Variants in FDXACB1 observed in about 807,000 individuals in gnomAD.
FDXACB1 encodes the protein ferredoxin-fold anticodon-binding domain-containing protein 1.
Under a neutral mutation model 51.7 loss-of-function variants are expected in FDXACB1, and 41 were observed. That is an observed-to-expected ratio of 0.79 (90% CI 0.62 to 1.03). The LOEUF (loss-of-function observed/expected upper bound fraction) is 1.03. Ranked by LOEUF, FDXACB1 falls within the 50% of genes least tolerant of loss-of-function variation. The probability of loss-of-function intolerance (pLI) is 0.00; values close to 1 mark genes in which losing one functional copy is unlikely to be tolerated. For synonymous variants in FDXACB1, 273 were observed against 278.6 expected, an observed-to-expected ratio of 0.98 and a Z score of 0.20; for missense variants, 697 against 746.4, an observed-to-expected ratio of 0.93 and a Z score of 0.77.
Position 111,875,920 on chromosome 11 carries a change from G to T in FDXACB1, c.877C>A (p.Leu293Ile). The change falls in exon 5 of 5, where the codon CTC becomes ATC. Residue 293 changes from leucine (L) to isoleucine (I), a missense_variant. By Grantham distance (5) the Leu-to-Ile change is conservative. Around this residue, in one of 3 missense-constraint regions of FDXACB1, gnomAD observed 538 missense variants for 592.2 expected, o/e 0.91. Coordinates refer to ENST00000260257, the MANE Select transcript of FDXACB1 (RefSeq NM_138378.3). ...DFLSAAFWIS[L>I]HEDNSNSESL... Reference sequence around the variant, plus strand: ...TCAGAATTTGAGTTATCTTCATGGAGACTAATCCAAAAAGCAGCTGACAGA... The same window carrying T: ...TCAGAATTTGAGTTATCTTCATGGATACTAATCCAAAAAGCAGCTGACAGA... 6.2e-7 allele frequency: 1 copy of T among 1,613,898 alleles called. No individual in the cohort carries two copies. The highest frequency in any genetic ancestry group is 1.6e-4 in the Middle Eastern group (1 of 6,062).
rs1055336868 is a variant in FDXACB1 at position 111,875,166 on chromosome 11, A to C, written c.1631T>G (p.Ile544Arg). The C allele has an allele frequency of 6.2e-7, 1 of 1,613,832 alleles. No homozygotes were observed. Among genetic ancestry groups the C allele is most frequent in the Admixed American group, 1.7e-5 (1 of 60,022 alleles). Residue 544 changes from isoleucine (I) to arginine (R), a missense_variant, in exon 5 of 5, where the codon ATA (isoleucine) becomes AGA (arginine). Ile to Arg is a moderately conservative substitution (Grantham distance 97, BLOSUM62 -3). This residue lies in a region of FDXACB1 where 538 missense variants were observed against 592.2 expected (regional missense o/e 0.91). Coordinates refer to ENST00000260257, the MANE Select transcript of FDXACB1 (RefSeq NM_138378.3). ...PCYVHDVSFWIDQKKGFDELE... is the reference protein window; with the variant it reads ...PCYVHDVSFWRDQKKGFDELE... ...TTCATCAAATCCTTTCTTCTGATCT[A>C]TCCAAAAACTAACATCATGCACATA...
chr11:111,877,873 G>A (rs1211518723), intron 2 of FDXACB1, among the ~76,000 whole-genome samples: 1 of 150,434 alleles, frequency 6.6e-6, no homozygotes, highest in Non-Finnish European at 1.5e-5. Flanking sequence ...AGCATGTAAA[G>A]ATTAAGTAAG....
At position 111,879,106 on chromosome 11, in the gene FDXACB1, A is replaced by T. The variant is rs375209624; in HGVS notation, c.27T>A (p.Val9=). 7.0e-5 allele frequency: 113 copies of T among 1,612,086 alleles called. No homozygotes were observed. Among genetic ancestry groups the T allele is most frequent in the Non-Finnish European group, 9.4e-5 (111 of 1,179,066 alleles). Residue 9 remains valine, a synonymous_variant, in exon 1 of 5, where the codon GTT becomes GTA. Transcript: ENST00000260257. MAPRRLLL[V]GEGNFSFAAA... is the part of the protein sequence containing the mutation. ...CGGCGAAGGAGAAATTCCCCTCCCC[A>T]ACCAACAGGAGGCGCCGAGGGGCCA...
At position 111,877,023 on chromosome 11, in the gene FDXACB1, A is replaced by G; in HGVS notation, c.330-12T>C. 2.6e-6 allele frequency: 4 copies of G among 1,561,624 alleles called. No homozygotes were observed. Among genetic ancestry groups the G allele is most frequent in the Non-Finnish European group, 2.6e-6 (3 of 1,151,830 alleles). ...GAACGTCTGCACAGCTAATAGGGAG[A>G]AAAGAAACACTAACTAATTATCATA... On this transcript the variant is annotated splice_polypyrimidine_tract_variant and intron_variant, in intron 2 of 4. Transcript: ENST00000260257.
Position 111,876,631 on chromosome 11 carries a change from T to C in FDXACB1, c.542A>G (p.Asp181Gly), listed in dbSNP as rs1342645109. 4 of 1,611,458 alleles carry C rather than the reference T, an allele frequency of 2.5e-6. No individual in the cohort carries two copies. The highest frequency in any genetic ancestry group is 1.7e-5 in the Admixed American group (1 of 59,196). The change falls in exon 4 of 5, where the codon GAT (aspartate) becomes GGT (glycine). Residue 181 changes from aspartate to glycine, a missense_variant. Physicochemically the swap from Asp to Gly is moderately conservative, Grantham distance 94 (BLOSUM62 -1). This residue lies in a region of FDXACB1 where 538 missense variants were observed against 592.2 expected (regional missense o/e 0.91). Transcript: ENST00000260257. ...GYKCTGYRSQ[D>G]KSFHVEGALN... is the part of the protein sequence containing the mutation. Reference sequence around the variant, plus strand: ...AGCACCTTCTACATGAAAGGACTTATCTTGACTCCTGGCAAAATAGACACC... The same window carrying C: ...AGCACCTTCTACATGAAAGGACTTACCTTGACTCCTGGCAAAATAGACACC...
rs1964801466 is a variant in FDXACB1, at chr11:111,875,804, AC to A, written c.992del (p.Gly331ValfsTer22). On this transcript the variant is annotated frameshift_variant, in exon 5 of 5. Coordinates refer to ENST00000260257, the MANE Select transcript of FDXACB1 (RefSeq NM_138378.3). LOFTEE classifies it high-confidence loss of function. ...LSLLKNPGRD[G>X]KEEACEGTCG... ...AGGTTCCTTCACAAGCTTCTTCTTT[AC>A]CATCTCTTCCAGGATTCTTGAGAAG... is the stretch of plus-strand genomic sequence containing the variant. 1 of 1,613,588 alleles carries A rather than the reference AC, an allele frequency of 6.2e-7. No individual in the cohort carries two copies. The highest frequency in any genetic ancestry group is 1.1e-5 in the South Asian group (1 of 91,076).
In FDXACB1 at chr11:111,876,059, A is replaced by G. The variant is rs782167123; in HGVS notation, c.738T>C (p.Asn246=). ...TGCCTAATTCAGCAATGAGTTTCTC[A>G]TTTATGGTTTTGATAGGATGACATG... ...APSCHPIKTI[N]EKLIAELGKV... is the part of the protein sequence containing the mutation. The change falls in exon 5 of 5, where the codon AAT becomes AAC. Residue 246 remains asparagine, a synonymous_variant. Coordinates refer to ENST00000260257, the MANE Select transcript of FDXACB1 (RefSeq NM_138378.3). 2 of 1,613,698 alleles carry G rather than the reference A, an allele frequency of 1.2e-6. No individual in the cohort carries two copies. The highest frequency in any genetic ancestry group is 1.7e-6 in the Non-Finnish European group (2 of 1,179,808).
Position 111,875,554 on chromosome 11 carries a change from G to T in FDXACB1, c.1243C>A (p.Leu415Met), listed in dbSNP as rs781947206. 2.5e-6 allele frequency: 4 copies of T among 1,611,454 alleles called. No individual in the cohort carries two copies. In the South Asian group the frequency reaches 4.4e-5, roughly 18 times the overall value. ...AGCAGGCTATCTAGAATGCCCTTCA[G>T]ATGATCCAGCAGTGATTGAAGACAG... is the stretch of plus-strand genomic sequence containing the variant. ...DGCLQSLLDH[L>M]KGILDSLLTQ... Residue 415 changes from leucine to methionine, a missense_variant, in exon 5 of 5, where the codon CTG becomes ATG. Leu to Met is a conservative substitution (Grantham distance 15). Coordinates refer to ENST00000260257, the MANE Select transcript of FDXACB1 (RefSeq NM_138378.3).
rs782061518 is a variant in FDXACB1, at chr11:111,875,756, A to G, written c.1041T>C (p.Leu347=). The G allele has an allele frequency of 3.0e-5, 49 of 1,613,556 alleles. No homozygotes were observed. The highest frequency in any genetic ancestry group is 4.2e-5 in the Non-Finnish European group (49 of 1,179,884). ...GAACATGCACTAGGAGAGAAGGTCTAAGGCAGATCTTGGCCTGGCCACAGG... is the reference window on the plus strand; with the variant it reads ...GAACATGCACTAGGAGAGAAGGTCTGAGGCAGATCTTGGCCTGGCCACAGG... The part of the protein sequence containing the change: ...EGTCGQAKIC[L]RPSLLVHVQD... The change falls in exon 5 of 5, where the codon CTT becomes CTC. Residue 347 remains leucine (L), a synonymous_variant. Coordinates refer to ENST00000260257, the MANE Select transcript of FDXACB1 (RefSeq NM_138378.3).
In FDXACB1 at chr11:111,878,984, T is replaced by G; in HGVS notation, c.149A>C (p.Asn50Thr). 6.2e-7 allele frequency: 1 copy of G among 1,608,492 alleles called. No individual in the cohort carries two copies. The highest frequency in any genetic ancestry group is 8.5e-7 in the Non-Finnish European group (1 of 1,177,970). The change falls in exon 1 of 5, where the codon AAT becomes ACT. Residue 50 changes from asparagine (N) to threonine (T), a missense_variant. Coordinates refer to ENST00000260257, the MANE Select transcript of FDXACB1 (RefSeq NM_138378.3). ...ACCTCGCTCGCGCAGGCACTGCAGA[T>G]TCTCCCAGGCCAGTGGATCCCGAGC... ...ELARDPLAWE[N>T]LQCLRERGID...
rs534644379 is a variant in FDXACB1, at chr11:111,875,857, A to G, written c.940T>C (p.Phe314Leu). Residue 314 changes from phenylalanine (F) to leucine (L), a missense_variant, in exon 5 of 5, where the codon TTT becomes CTT. This residue lies in a region of FDXACB1 where 538 missense variants were observed against 592.2 expected (regional missense o/e 0.91). Coordinates refer to ENST00000260257, the MANE Select transcript of FDXACB1 (RefSeq NM_138378.3). ...CTAAGTTCTGAAAATGACACTAGAA[A>G]GTCTTCCACATCTTGTGATGTCCCA... ...TGGTSQDVEDFLVSFSELSLL... is the reference protein window; with the variant it reads ...TGGTSQDVEDLLVSFSELSLL... 4.4e-5 allele frequency: 71 copies of G among 1,613,802 alleles called. 1 individual carries two copies. In the South Asian group the frequency reaches 6.7e-4, roughly 15 times the overall value.
In FDXACB1 at chr11:111,875,794, C is replaced by T; in HGVS notation, c.1003G>A (p.Ala335Thr). ...KNPGRDGKEE[A>T]CEGTCGQAKI... is the part of the protein sequence containing the mutation. ...GCCTGGCCACAGGTTCCTTCACAAG[C>T]TTCTTCTTTACCATCTCTTCCAGGA... The change falls in exon 5 of 5, where the codon GCT becomes ACT. Residue 335 changes from alanine to threonine, a missense_variant. By Grantham distance (58) the Ala-to-Thr change is moderately conservative. Coordinates refer to ENST00000260257, the MANE Select transcript of FDXACB1 (RefSeq NM_138378.3). 2.5e-6 allele frequency: 4 copies of T among 1,613,746 alleles called. No individual in the cohort carries two copies. The highest frequency in any genetic ancestry group is 3.4e-6 in the Non-Finnish European group (4 of 1,179,880).
chr11:111,878,781 T>C, intron 1 of FDXACB1, 69 bp from the exon 2 acceptor site: 1 of 1,541,382 alleles, frequency 6.5e-7, no homozygotes. Context: ...ACAGAAAAAC[T>C]CTTCCTAACT....
chr11:111,875,405 A>T lies in FDXACB1; in HGVS notation c.1392T>A (p.Asp464Glu). The stretch of plus-strand genomic sequence containing the variant: ...ATGTGATAACAGACCCAATAATTAG[A>T]TCCTCAGTACAATCTGGGCTAAAAT... ...THNFSPDCTE[D>E]LIIGSVITSA... The change falls in exon 5 of 5, where the codon GAT becomes GAA. Residue 464 changes from aspartate (D) to glutamate (E), a missense_variant. Asp to Glu is a conservative substitution (Grantham distance 45). Around this residue, in one of 3 missense-constraint regions of FDXACB1, gnomAD observed 538 missense variants for 592.2 expected, o/e 0.91. Coordinates refer to ENST00000260257, the MANE Select transcript of FDXACB1 (RefSeq NM_138378.3). 1 of 1,613,606 alleles carries T rather than the reference A, an allele frequency of 6.2e-7. No individual in the cohort carries two copies. The highest frequency in any genetic ancestry group is 1.1e-5 in the South Asian group (1 of 91,058).
chr11:111,877,107 T>A (rs1964832909), intron 2 of FDXACB1, 96 bp from the exon 3 acceptor site: 1 of 1,270,102 alleles, frequency 7.9e-7, no homozygotes, highest in African/African-American at 1.5e-5. Flanking sequence ...TGTGAAATAA[T>A]TAAAATCCAA....
intron 4 of FDXACB1, 65 bp from the exon 5 acceptor site, chr11:111,876,169 G>T: frequency 7.8e-7 from 1 of 1,288,938 alleles, no homozygotes. Context: ...AATGTAGCTA[G>T]AATTAAAAAT....
intron 2 of FDXACB1, among the ~76,000 whole-genome samples, chr11:111,878,104 G>A (rs1555162460): frequency 1.3e-5 from 2 of 151,964 alleles, no homozygotes; most frequent in Non-Finnish European, 1.5e-5. Flanking sequence ...GGAGAATGGC[G>A]TGAACCCAGT....
chr11:111,879,019 C>T lies in FDXACB1; in HGVS notation c.114G>A (p.Pro38=), dbSNP rs782722029. ...CCAGTGGATCCCGAGCCAACTCGGC[C>T]GGGCGCTGGAGGCAGGTGGCGGTAA... The part of the protein sequence containing the change: ...TQLTATCLQR[P]AELARDPLAW... The change falls in exon 1 of 5, where the codon CCG becomes CCA. Residue 38 remains proline, a synonymous_variant. Transcript: ENST00000260257. 1 of 1,613,344 alleles carries T rather than the reference C, an allele frequency of 6.2e-7. No individual in the cohort carries two copies. The highest frequency in any genetic ancestry group is 1.3e-5 in the African/African-American group (1 of 75,036).
rs782622810 is a variant in FDXACB1, at chr11:111,878,709, A to AT, written c.175dup (p.Ile59AsnfsTer17). The AT allele has an allele frequency of 2.5e-6, 4 of 1,609,334 alleles. No individual in the cohort carries two copies. The East Asian group carries it at 8.9e-5, about 36-fold the overall frequency. On this transcript the variant is annotated frameshift_variant, in exon 2 of 5. Coordinates refer to ENST00000260257, the MANE Select transcript of FDXACB1 (RefSeq NM_138378.3). LOFTEE classifies it high-confidence loss of function. ...GCAGTCCACACCGAAACGTACATCG[A>AT]TACCTGGCAAAGATAGTTTGGGGGC... is the stretch of plus-strand genomic sequence containing the variant.
Sources: allele counts gnomAD v4.1 joint callset (sites outside exome capture counted in the v4.1 genomes callset), GRCh38; gene constraint gnomAD v4.1.1; regional missense constraint gnomAD v4.1.1; transcripts MANE v1.5; gene names NCBI Gene and HGNC (gene_info 2026-07-23, HGNC 2026-07-21).